Variants in ATP2B4 observed in about 807,000 individuals in gnomAD.
ATP2B4 encodes the protein ATPase plasma membrane Ca2+ transporting 4.
In ATP2B4, 39 loss-of-function variants were observed where a neutral mutation model predicts 110.3. The ratio of observed to expected loss-of-function variants is 0.35; its 90% confidence interval spans 0.27 to 0.46. The LOEUF (loss-of-function observed/expected upper bound fraction) is 0.46. Ranked by LOEUF, ATP2B4 falls within the 20% of genes least tolerant of loss-of-function variation. The pLI, the probability that ATP2B4 is intolerant of heterozygous loss-of-function variation, is 1.00. For missense variants in ATP2B4, 1,135 were observed against 1,530.9 expected (o/e 0.74, Z 4.32); for synonymous variants, 538 against 571.7 (o/e 0.94, Z 0.84).
intron 1 of ATP2B4, among the ~76,000 whole-genome samples, chr1:203,634,959 C>T (rs985779492): frequency 4.6e-5 from 7 of 152,124 alleles, no homozygotes; most frequent in Admixed American, 2.0e-4. Context: ...CCACCGCACC[C>T]GGCCCCATTT....
intron 15 of ATP2B4, among the ~76,000 whole-genome samples, chr1:203,717,188 A>G (rs182125656): frequency 4.6e-5 from 7 of 151,986 alleles, no homozygotes; most frequent in Non-Finnish European, 8.8e-5. Context: ...ACAAAGCTAG[A>G]CTCCATCTCA....
At chr1:203,707,349 C>A in intron 9 of ATP2B4, 126 bp downstream of exon 9, 2 of 829,180 alleles carry the variant, frequency 2.4e-6, no homozygotes, top group Non-Finnish European at 3.7e-6. Flanking sequence ...CTCACAAGAG[C>A]AGAAGTCCCT....
intron 1 of ATP2B4, among the ~76,000 whole-genome samples, chr1:203,635,849 G>T (rs988309220): frequency 6.6e-6 from 1 of 152,160 alleles, no homozygotes; most frequent in African/African-American, 2.4e-5. Context: ...AAGCTCTTGG[G>T]TGCTGAGAGT....
Position 203,739,966 on chromosome 1 carries a change from C to A in ATP2B4, c.*112C>A. 1 of 1,191,590 alleles carries A rather than the reference C, an allele frequency of 8.4e-7. No homozygotes were observed. Among genetic ancestry groups the A allele is most frequent in the Non-Finnish European group, 1.2e-6 (1 of 861,504 alleles). The allele number at this position is 1,191,590 out of a possible 1,614,324, so 73.8% of individuals were successfully genotyped here. On this transcript the variant is annotated 3_prime_UTR_variant, in exon 21 of 21. Transcript: ENST00000357681. Reference sequence around the variant, plus strand: ...GTCACGTCAGCTGCTGTGTTAACAGCAGTGTGTGTGAAGTGAACCTCTACC... The same window carrying A: ...GTCACGTCAGCTGCTGTGTTAACAGAAGTGTGTGTGAAGTGAACCTCTACC...
At chr1:203,655,802 A>G (rs1213701089) in intron 1 of ATP2B4, among the ~76,000 whole-genome samples, 1 of 152,124 alleles carries the variant, frequency 6.6e-6, no homozygotes, top group Non-Finnish European at 1.5e-5. Flanking sequence ...TGTCACAGCT[A>G]CCCCACCCAT....
rs556508712 is a variant in ATP2B4 at position 203,656,880 on chromosome 1, A to C, written c.-464-25862A>C. On this transcript the variant is annotated intron_variant, in intron 1 of 20. Transcript: ENST00000357681. ...TGTAATAAATCTCTTGATTGCAGAC[A>C]TATATGGCTGTTTGGTAGAAACATT... 1.2e-5 allele frequency: 6 copies of C among 510,892 alleles called. No individual in the cohort carries two copies. The African/African-American group carries it at 1.2e-4, about 10-fold the overall frequency. The allele number at this position is 510,892 out of a possible 1,614,324, so 31.6% of individuals were successfully genotyped here.
chr1:203,725,499 A>G (rs1315329400), intron 19 of ATP2B4, among the ~76,000 whole-genome samples: 1 of 152,154 alleles, frequency 6.6e-6, no homozygotes, highest in Non-Finnish European at 1.5e-5. Flanking sequence ...TACATAACCA[A>G]TCTGTGTCTC....
chr1:203,701,923 C>G, intron 6 of ATP2B4, 121 bp from the exon 7 acceptor site: 1 of 961,766 alleles, frequency 1.0e-6, no homozygotes, highest in Non-Finnish European at 1.6e-6. Flanking sequence ...ATTTATGTCC[C>G]TTCCCTGCAA....
At chr1:203,677,025 AT>A (rs79671168) in intron 1 of ATP2B4, among the ~76,000 whole-genome samples, 12 of 152,060 alleles carry the variant, frequency 7.9e-5, no homozygotes, top group African/African-American at 2.7e-4. Context: ...GTTTGTTTAC[AT>A]TTTTTTTATA....
At chr1:203,710,097 G>A (rs1165373799) in intron 11 of ATP2B4, among the ~76,000 whole-genome samples, 2 of 152,204 alleles carry the variant, frequency 1.3e-5, no homozygotes, top group East Asian at 1.9e-4. Flanking sequence ...GCCAGGCGCA[G>A]TGGCTCACGC....
chr1:203,653,779 A>G (rs1470153943), intron 1 of ATP2B4, among the ~76,000 whole-genome samples: 1 of 151,702 alleles, frequency 6.6e-6, no homozygotes, highest in Admixed American at 6.6e-5. Flanking sequence ...TTGGTCTCAA[A>G]CTCCTGACCT....
chr1:203,709,426 G>A lies in ATP2B4; in HGVS notation c.1683G>A (p.Lys561=). 1 of 1,614,208 alleles carries A rather than the reference G, an allele frequency of 6.2e-7. No homozygotes were observed. Among genetic ancestry groups the A allele is most frequent in the Non-Finnish European group, 8.5e-7 (1 of 1,180,042 alleles). Residue 561 remains lysine (K), a synonymous_variant, in exon 11 of 21, where the codon AAG becomes AAA. Transcript: ENST00000357681. The part of the protein sequence containing the change: ...QAVRNEVPEE[K]LYKVYTFNSV... ...TGCGTAATGAAGTGCCCGAGGAGAA[G>A]CTCTACAAGGTGTACACCTTTAACT...
rs1666316273 is a variant in ATP2B4 at position 203,721,329 on chromosome 1, C to T, written c.2731C>T (p.Leu911=). 1 of 1,614,110 alleles carries T rather than the reference C, an allele frequency of 6.2e-7. No homozygotes were observed. ...KRRPYGRNKP[L]ISRTMMKNIL... ...GCGCCCCTATGGCCGAAATAAGCCTCTGATCTCACGCACTATGATGAAGAA... is the reference window on the plus strand; with the variant it reads ...GCGCCCCTATGGCCGAAATAAGCCTTTGATCTCACGCACTATGATGAAGAA... The change falls in exon 17 of 21, where the codon CTG becomes TTG. Residue 911 remains leucine (L), a synonymous_variant. Transcript: ENST00000357681.
rs766879843 is a variant in ATP2B4 at position 203,707,011 on chromosome 1, C to G, written c.1102C>G (p.Leu368Val). The G allele has an allele frequency of 3.1e-6, 5 of 1,613,468 alleles. No individual in the cohort carries two copies. The South Asian group carries it at 5.5e-5, about 18-fold the overall frequency. Residue 368 changes from leucine to valine, a missense_variant and splice_region_variant, in exon 9 of 21, where the codon CTG (leucine) becomes GTG (valine). Leu to Val is a conservative substitution (Grantham distance 32). Around this residue, in one of 9 missense-constraint regions of ATP2B4, gnomAD observed 162 missense variants for 210.5 expected, o/e 0.77. Coordinates refer to ENST00000357681, the MANE Select transcript of ATP2B4 (RefSeq NM_001684.5). ...RLAVQIGKAG[L>V]LMSALTVFIL... ...ATATGACTTGTTTCTCTGGACAGGTCTGCTCATGTCTGCTCTCACGGTTTT... is the reference window on the plus strand; with the variant it reads ...ATATGACTTGTTTCTCTGGACAGGTGTGCTCATGTCTGCTCTCACGGTTTT...
chr1:203,704,467 CTTTTTTTTTTTTT>C lies in ATP2B4; in HGVS notation c.1099+673_1099+685del, dbSNP rs35019828. ...GTGGACATATCTCTCAAGGAACAGT[CTTTTTTTTTTTTT>C]TTTTTTTTTTTTTTTTTTGAGATGG... is the stretch of plus-strand genomic sequence containing the variant. On this transcript the variant is annotated intron_variant, in intron 8 of 20. Coordinates refer to ENST00000357681, the MANE Select transcript of ATP2B4 (RefSeq NM_001684.5). 6.7e-4 allele frequency among the ~76,000 whole-genome samples: 46 copies of C among 68,786 alleles called. 1 individual carries two copies. The highest frequency in any genetic ancestry group is 4.8e-3 in the East Asian group (9 of 1,862). 45.1% of individuals were successfully genotyped at this position (68,786 alleles called of 152,430 possible). A position where few individuals can be genotyped will look rare whatever the true frequency, so the allele number is the denominator to read the frequency against.
intron 1 of ATP2B4, among the ~76,000 whole-genome samples, chr1:203,670,232 G>A (rs1571703485): frequency 6.6e-6 from 1 of 151,170 alleles, no homozygotes; most frequent in Non-Finnish European, 1.5e-5. Flanking sequence ...GGCTTGGAGT[G>A]CAGTGGCACG....
At chr1:203,676,234 G>A (rs909408757) in intron 1 of ATP2B4, among the ~76,000 whole-genome samples, 2 of 152,208 alleles carry the variant, frequency 1.3e-5, no homozygotes, top group Non-Finnish European at 2.9e-5. Context: ...CTGAAGGAGG[G>A]CATGTGCTCT....
chr1:203,681,870 C>CT (rs1460458612), intron 1 of ATP2B4, among the ~76,000 whole-genome samples: 1 of 150,962 alleles, frequency 6.6e-6, no homozygotes, highest in African/African-American at 2.4e-5. Flanking sequence ...TCCAGAGAAA[C>CT]TTTAATGCTC....
chr1:203,660,505 G>A (rs184338534), intron 1 of ATP2B4, among the ~76,000 whole-genome samples: 2 of 152,068 alleles, frequency 1.3e-5, no homozygotes, highest in Non-Finnish European at 2.9e-5. Context: ...GAACGGAGGT[G>A]GGGGGTGGGG....
Sources: allele counts gnomAD v4.1 joint callset (sites outside exome capture counted in the v4.1 genomes callset), GRCh38; gene constraint gnomAD v4.1.1; regional missense constraint gnomAD v4.1.1; transcripts MANE v1.5; gene names NCBI Gene and HGNC (gene_info 2026-07-23, HGNC 2026-07-21).